NMBR: variants seen among roughly 807,000 people sequenced by gnomAD.
NMBR encodes neuromedin B receptor, also known as neuromedin-B receptor.
Under a neutral mutation model 20.5 loss-of-function variants are expected in NMBR, and 16 were observed. That is an observed-to-expected ratio of 0.78 (90% CI 0.53 to 1.19). NMBR has a LOEUF of 1.19. Among genes scored for constraint, NMBR ranks in the 50% most tolerant of loss-of-function variants. The probability of loss-of-function intolerance (pLI) is 0.00; values close to 1 mark genes in which losing one functional copy is unlikely to be tolerated. For missense variants in NMBR, 582 were observed against 499.1 expected, an observed-to-expected ratio of 1.17 and a Z score of -1.58; for synonymous variants, 212 against 196.6, an observed-to-expected ratio of 1.08 and a Z score of -0.65.
intron 1 of NMBR, among the ~76,000 whole-genome samples, chr6:142,130,835 G>C (rs1194352117): frequency 6.6e-6 from 1 of 152,006 alleles, no homozygotes; most frequent in African/African-American, 2.4e-5. Context: ...GACAACAATG[G>C]ACCAGGGAAC....
In NMBR at chr6:142,075,927, T is replaced by C. The variant is rs1363800129; in HGVS notation, c.894A>G (p.Pro298=). Residue 298 remains proline, a synonymous_variant, in exon 4 of 4, where the codon CCA becomes CCG. Transcript: ENST00000258042. ...YRSFNYNEID[P]SLGHMIVTLV... ...AGGTGACAATCATGTGGCCTAGAGA[T>C]GGATCAATCTCATTATAGTTGAAAG... The C allele has an allele frequency of 8.7e-6, 14 of 1,613,936 alleles. No homozygotes were observed. Among genetic ancestry groups the C allele is most frequent in the Non-Finnish European group, 1.2e-5 (14 of 1,179,968 alleles).
At chr6:142,097,602 G>A (rs1227716069) in intron 1 of NMBR, among the ~76,000 whole-genome samples, 2 of 152,044 alleles carry the variant, frequency 1.3e-5, no homozygotes, top group Non-Finnish European at 2.9e-5. Flanking sequence ...TAAACTGGGG[G>A]CTGTCTGTGA....
intron 1 of NMBR, among the ~76,000 whole-genome samples, chr6:142,146,483 G>A (rs1226311080): frequency 6.6e-6 from 1 of 152,108 alleles, no homozygotes; most frequent in East Asian, 1.9e-4. Flanking sequence ...GAGGGTAGAA[G>A]GAAAAGTGAT....
At chr6:142,101,137 C>T (rs1396788815) in intron 1 of NMBR, among the ~76,000 whole-genome samples, 1 of 152,066 alleles carries the variant, frequency 6.6e-6, no homozygotes, top group African/African-American at 2.4e-5. Context: ...AAGAAACAAC[C>T]AGATTGGTTA....
At chr6:142,134,147 G>A in intron 1 of NMBR, 1 of 498,628 alleles carries the variant, frequency 2.0e-6, no homozygotes, top group East Asian at 3.0e-5. Context: ...TGTTCCTAAG[G>A]ATTATGTTAC....
At chr6:142,120,292 T>A (rs1180731793) in intron 1 of NMBR, among the ~76,000 whole-genome samples, 1 of 151,920 alleles carries the variant, frequency 6.6e-6, no homozygotes, top group Non-Finnish European at 1.5e-5. Flanking sequence ...ACAAATTGAG[T>A]GAGCCCTGAA....
intron 1 of NMBR, among the ~76,000 whole-genome samples, chr6:142,127,330 T>C (rs1332570840): frequency 2.0e-5 from 3 of 151,942 alleles, no homozygotes; most frequent in Non-Finnish European, 4.4e-5. Context: ...GATCCCTTAA[T>C]TTCCGTTTGT....
chr6:142,081,098 T>G (rs182785040), intron 2 of NMBR, among the ~76,000 whole-genome samples: 125 of 152,280 alleles, frequency 8.2e-4, no homozygotes, highest in Non-Finnish European at 4.6e-4. Context: ...TCCCCCTTTT[T>G]TACATAGATA....
intron 2 of NMBR, 151 bp from the exon 3 acceptor site, chr6:142,079,054 G>A (rs1399909827): frequency 1.4e-5 from 6 of 423,108 alleles, no homozygotes; most frequent in Middle Eastern, 6.2e-4. Flanking sequence ...GAAAGAAAGA[G>A]AGAAAGAGAG....
chr6:142,090,131 C>A (rs1319937838), intron 1 of NMBR, among the ~76,000 whole-genome samples: 1 of 151,874 alleles, frequency 6.6e-6, no homozygotes, highest in Non-Finnish European at 1.5e-5. Flanking sequence ...AAACAGTTTC[C>A]CAAATCACCA....
At chr6:142,126,011 T>C (rs1296762293) in intron 1 of NMBR, among the ~76,000 whole-genome samples, 1 of 151,848 alleles carries the variant, frequency 6.6e-6, no homozygotes, top group Non-Finnish European at 1.5e-5. Flanking sequence ...TCATCTTGCA[T>C]AACTGAAACT....
intron 1 of NMBR, among the ~76,000 whole-genome samples, chr6:142,145,500 G>A (rs1002071672): frequency 2.0e-5 from 3 of 152,144 alleles, no homozygotes; most frequent in African/African-American, 7.2e-5. Context: ...AAATAATAAT[G>A]ATATGTTCCT....
chr6:142,093,168 A>C (rs2114571838), intron 1 of NMBR, among the ~76,000 whole-genome samples: 1 of 151,784 alleles, frequency 6.6e-6, no homozygotes, highest in Middle Eastern at 3.4e-3. Flanking sequence ...TTTTTTAATT[A>C]TTCTTTAAGT....
chr6:142,125,515 A>ATACATGTGCATG (rs1778017405), intron 1 of NMBR, among the ~76,000 whole-genome samples: 2 of 151,668 alleles, frequency 1.3e-5, no homozygotes, highest in African/African-American at 2.4e-5. Flanking sequence ...ATACATACAT[A>ATACATGTGCATG]CACAATTACT....
intron 1 of NMBR, among the ~76,000 whole-genome samples, chr6:142,131,608 G>A (rs1279422812): frequency 6.6e-6 from 1 of 152,128 alleles, no homozygotes; most frequent in Admixed American, 6.6e-5. Flanking sequence ...AAAGAAATAA[G>A]CAACATCCCT....
intron 2 of NMBR, among the ~76,000 whole-genome samples, chr6:142,082,642 G>C (rs1056634939): frequency 6.6e-6 from 1 of 152,208 alleles, no homozygotes; most frequent in Non-Finnish European, 1.5e-5. Flanking sequence ...TTTTAAGAGA[G>C]TTGTGTGCAG....
intron 1 of NMBR, among the ~76,000 whole-genome samples, chr6:142,097,055 C>A (rs138006868): frequency 2.0e-5 from 3 of 152,086 alleles, no homozygotes; most frequent in Non-Finnish European, 4.4e-5. Flanking sequence ...TTATTTTGAG[C>A]GTATGTGTGT....
Position 142,133,054 on chromosome 6 carries a change from G to C in NMBR, c.-664+13990C>G, listed in dbSNP as rs111269991. ...TTTGTAGTGATGAGTGTTTTCTGCT[G>C]TAAGAGTCCTGAGAGAATGTAAGAG... On this transcript the variant is annotated intron_variant, in intron 1 of 3. Transcript: ENST00000258042. 2.7e-3 allele frequency: 1,432 copies of C among 526,866 alleles called. 21 individuals carry two copies. The highest frequency in any genetic ancestry group is 0.025 in the African/African-American group (1,296 of 52,584). 32.6% of individuals were successfully genotyped at this position (526,866 alleles called of 1,614,324 possible). A position where few individuals can be genotyped will look rare whatever the true frequency, so the allele number is the denominator to read the frequency against.
chr6:142,093,044 C>T (rs1171215328), intron 1 of NMBR, among the ~76,000 whole-genome samples: 1 of 151,954 alleles, frequency 6.6e-6, no homozygotes, highest in Non-Finnish European at 1.5e-5. Context: ...AACCATAGAC[C>T]AAAGGCTTCT....
Sources: allele counts gnomAD v4.1 joint callset (sites outside exome capture counted in the v4.1 genomes callset), GRCh38; gene constraint gnomAD v4.1.1; transcripts MANE v1.5; gene names NCBI Gene and HGNC (gene_info 2026-07-23, HGNC 2026-07-21).